Variants in MICAL1 observed in about 807,000 individuals in gnomAD.
The protein encoded by MICAL1 is microtubule associated monooxygenase, calponin and LIM domain containing 1, also known as [F-actin]-monooxygenase MICAL1.
Under a neutral mutation model 131.8 loss-of-function variants are expected in MICAL1, and 95 were observed. The ratio of observed to expected loss-of-function variants is 0.72; its 90% CI spans 0.61 to 0.86. MICAL1 has a LOEUF of 0.86. Ranked by LOEUF, MICAL1 falls within the 40% of genes least tolerant of loss-of-function variation. The probability of loss-of-function intolerance (pLI) is 0.00; values close to 1 mark genes in which losing one functional copy is unlikely to be tolerated. For synonymous variants in MICAL1, 546 were observed against 554.2 expected (o/e 0.99, Z 0.21); for missense variants, 1,292 against 1,380.6 (o/e 0.94, Z 1.02).
intron 17 of MICAL1, 39 bp downstream of exon 17, chr6:109,447,034 G>T: frequency 6.2e-7 from 1 of 1,604,742 alleles, no homozygotes; most frequent in Admixed American, 1.7e-5. Context: ...AGCAGGGCCA[G>T]GCCCAGAGTC....
intron 1 of MICAL1, chr6:109,464,400 G>A (rs926336267): frequency 2.6e-5 from 4 of 152,106 alleles, no homozygotes; most frequent in Non-Finnish European, 4.4e-5. Context: ...TTGATGGAAA[G>A]GCTCTATTAA....
chr6:109,465,369 G>A, intron 1 of MICAL1: 1 of 446,042 alleles, frequency 2.2e-6, no homozygotes, highest in Non-Finnish European at 4.0e-6. Flanking sequence ...ATTGTGATCT[G>A]TCATATTTAG....
At chr6:109,452,189 A>G in intron 6 of MICAL1, 57 bp downstream of exon 6, 1 of 1,563,230 alleles carries the variant, frequency 6.4e-7, no homozygotes, top group East Asian at 2.3e-5. Flanking sequence ...AGGGAGAGGC[A>G]GGAGCCAGGC....
rs1475370502 is a variant in MICAL1, at chr6:109,450,559, T to C, written c.934-2A>G. On this transcript the variant is annotated splice_acceptor_variant, in intron 7 of 24. Transcript: ENST00000358807. LOFTEE classifies it high-confidence loss of function. ...CAGCCGATTGGTGTCTGGCCAGTCC[T>C]GTATGGTCAACAGAGCAGAACCTCA... 19 of 1,599,450 alleles carry C rather than the reference T, an allele frequency of 1.2e-5. No individual in the cohort carries two copies. Among genetic ancestry groups the C allele is most frequent in the Non-Finnish European group, 1.2e-5 (14 of 1,169,220 alleles).
chr6:109,453,398 C>T lies in MICAL1; in HGVS notation c.467-31G>A, dbSNP rs548443432. The T allele has an allele frequency of 2.5e-6, 4 of 1,603,038 alleles. No homozygotes were observed. The East Asian group carries it at 8.9e-5, about 36-fold the overall frequency. ...AGGGAGAGGACATTAGGAACAGGGA[C>T]CCTAGGGCAGCACAAGCTCCCCATG... is the stretch of plus-strand genomic sequence containing the variant. On this transcript the variant is annotated intron_variant, in intron 3 of 24. Coordinates refer to ENST00000358807, the MANE Select transcript of MICAL1 (RefSeq NM_022765.4).
Position 109,448,372 on chromosome 6 carries a change from C to G in MICAL1, c.1686G>C (p.Gly562=). The part of the protein sequence containing the change: ...PGLLEPSELQ[G]LGALEATAWA... The stretch of plus-strand genomic sequence containing the variant: ...AAGCAGTTGCTTCCAGAGCTCCCAG[C>G]CCCTGCAGCTCTGAGGGTTCCCTGT... The change falls in exon 13 of 25, where the codon GGG becomes GGC. Residue 562 remains glycine (G), a synonymous_variant. Transcript: ENST00000358807. The G allele has an allele frequency of 3.1e-6, 5 of 1,613,718 alleles. No homozygotes were observed. The highest frequency in any genetic ancestry group is 3.4e-6 in the Non-Finnish European group (4 of 1,180,010).
Position 109,453,955 on chromosome 6 carries a change from G to A in MICAL1, c.242C>T (p.Ala81Val). The change falls in exon 2 of 25, where the codon GCC becomes GTC. Residue 81 changes from alanine to valine, a missense_variant. Coordinates refer to ENST00000358807, the MANE Select transcript of MICAL1 (RefSeq NM_022765.4). ...TGTATCCACCTTGGTGCTGGTGCAG[G>A]CCCGGCCCTGCTGGTAGACAGGCTG... ...AGQPVYQQGR[A>V]CTSTKCLVVG... is the part of the protein sequence containing the mutation. 6.2e-7 allele frequency: 1 copy of A among 1,613,824 alleles called. No individual in the cohort carries two copies. Among genetic ancestry groups the A allele is most frequent in the Non-Finnish European group, 8.5e-7 (1 of 1,179,926 alleles).
chr6:109,456,292 G>T (rs946067254), upstream of MICAL1, among the ~76,000 whole-genome samples: 4 of 152,226 alleles, frequency 2.6e-5, no homozygotes, highest in Admixed American at 2.6e-4. Flanking sequence ...AAAGCCGGCG[G>T]GTCCGAGGGT....
At chr6:109,447,792 C>T (rs1479865692) in intron 14 of MICAL1, 70 bp from the exon 15 acceptor site, 1 of 1,612,300 alleles carries the variant, frequency 6.2e-7, no homozygotes. Context: ...TCTGAATGTC[C>T]TCACCATCAC....
At position 109,447,663 on chromosome 6, in the gene MICAL1, G is replaced by A. The variant is rs1775296256; in HGVS notation, c.1986+18C>T. 4 of 1,613,870 alleles carry A rather than the reference G, an allele frequency of 2.5e-6. No homozygotes were observed. The highest frequency in any genetic ancestry group is 3.4e-6 in the Non-Finnish European group (4 of 1,179,906). On this transcript the variant is annotated intron_variant, in intron 15 of 24. Coordinates refer to ENST00000358807, the MANE Select transcript of MICAL1 (RefSeq NM_022765.4). ...AAAATGTGGGGTAGGAGACCGACCC[G>A]CCCCTGCCTGCATTCACCTCCAAGC...
chr6:109,452,332 G>A lies in MICAL1; in HGVS notation c.746C>T (p.Thr249Ile), dbSNP rs1427438929. 2.5e-6 allele frequency: 4 copies of A among 1,614,088 alleles called. No homozygotes were observed. The highest frequency in any genetic ancestry group is 3.3e-4 in the Middle Eastern group (2 of 6,082). Reference protein sequence around the residue: ...GITANFVNGRTVEETQVPEIS... With the variant: ...GITANFVNGRIVEETQVPEIS... ...CTCCGGCACCTGTGTCTCCTCCACG[G>A]TGCGTCCATTCACAAAGTTGGCTGT... The change falls in exon 6 of 25, where the codon ACC (threonine) becomes ATC (isoleucine). Residue 249 changes from threonine (T) to isoleucine (I), a missense_variant. Physicochemically the swap from Thr to Ile is moderately conservative, Grantham distance 89. Coordinates refer to ENST00000358807, the MANE Select transcript of MICAL1 (RefSeq NM_022765.4).
At chr6:109,455,959 C>T (rs761600679), upstream of MICAL1, 198 of 985,430 alleles carry the variant, frequency 2.0e-4, no homozygotes, top group Admixed American at 1.2e-4. This position sits in a 1 kb window ranked among gnomAD's most constrained non-coding sequence, Gnocchi z 4.7. Flanking sequence ...CTGGATCCCT[C>T]TACCGCCTCC....
chr6:109,444,450 G>A (rs940900735), intron 24 of MICAL1, 111 bp from the exon 25 acceptor site: 8 of 1,473,898 alleles, frequency 5.4e-6, no homozygotes, highest in East Asian at 2.3e-5. Flanking sequence ...TGTTTCCTAA[G>A]CTGCCAAATT....
Position 109,444,891 on chromosome 6 carries a change from C to G in MICAL1, c.2981+5G>C, listed in dbSNP as rs1775138116. 1 of 1,614,066 alleles carries G rather than the reference C, an allele frequency of 6.2e-7. No homozygotes were observed. The highest frequency in any genetic ancestry group is 1.3e-5 in the African/African-American group (1 of 74,928). On this transcript the variant is annotated splice_donor_5th_base_variant and intron_variant, in intron 23 of 24. Coordinates refer to ENST00000358807, the MANE Select transcript of MICAL1 (RefSeq NM_022765.4). Reference sequence around the variant, plus strand: ...GGGCCACTGTCACCATCCCCTTCCCCTTACGTGATCATGAGCTCGGCCTCC... The same window carrying G: ...GGGCCACTGTCACCATCCCCTTCCCGTTACGTGATCATGAGCTCGGCCTCC...
intron 19 of MICAL1, 120 bp from the exon 20 acceptor site, chr6:109,445,982 C>A (rs897129652): frequency 1.3e-6 from 2 of 1,494,170 alleles, no homozygotes; most frequent in Admixed American, 4.6e-5. Context: ...TGTGTTGGGG[C>A]ATGGGAGGAA....
chr6:109,465,518 C>T, intron 1 of MICAL1: 1 of 900,366 alleles, frequency 1.1e-6, no homozygotes, highest in South Asian at 1.8e-5. Flanking sequence ...TTGGCAAGAC[C>T]ATAACCTATG....
rs537199405 is a variant in MICAL1, at chr6:109,447,575, G to A, written c.1986+106C>T. On this transcript the variant is annotated intron_variant, in intron 15 of 24. Transcript: ENST00000358807. ...GGGAGGCTGGATGGGGGGGTTACAG[G>A]ACCTGGGGTGGGGAACAAGACATGG... The A allele has an allele frequency of 2.3e-4, 360 of 1,562,382 alleles. 1 individual carries two copies. The highest frequency in any genetic ancestry group is 1.0e-3 in the Middle Eastern group (6 of 5,786).
upstream of MICAL1, among the ~76,000 whole-genome samples, chr6:109,459,013 C>T (rs1238927639): frequency 2.0e-5 from 3 of 152,108 alleles, no homozygotes; most frequent in African/African-American, 7.2e-5. Flanking sequence ...TGGGGGCAGA[C>T]AACTTTCAAG....
At chr6:109,460,459 T>G (rs1775857385), upstream of MICAL1, among the ~76,000 whole-genome samples, 1 of 147,602 alleles carries the variant, frequency 6.8e-6, no homozygotes. Context: ...TGTAATCGAA[T>G]GAGCTTTAGT....
Sources: gnomAD v4.1 joint callset for allele counts (sites outside exome capture counted in the v4.1 genomes callset) on GRCh38, gnomAD v4.1.1 for gene constraint, Gnocchi (gnomAD v3.1) non-coding constraint, MANE v1.5 for transcripts, NCBI Gene and HGNC (gene_info 2026-07-23, HGNC 2026-07-21) for gene names.